The following CAB39L variants were observed in gnomAD, a reference collection of about 807,000 sequenced individuals.
CAB39L encodes the protein calcium binding protein 39 like.
In CAB39L, 23 loss-of-function variants were observed where a neutral mutation model predicts 39.1. The ratio of observed to expected loss-of-function variants is 0.59; its 90% confidence interval spans 0.42 to 0.83. CAB39L has a LOEUF of 0.83. Among genes scored for constraint, CAB39L ranks in the 40% least tolerant of loss-of-function variants. The pLI is 0.00. For missense variants in CAB39L, 366 were observed against 391.9 expected (o/e 0.93, Z 0.56); for synonymous variants, 126 against 137.2 (o/e 0.92, Z 0.57).
intron 1 of CAB39L, 108 bp downstream of exon 1, chr13:49,443,877 AC>A (rs1957595803): frequency 6.6e-6 from 3 of 454,130 alleles, no homozygotes; most frequent in Non-Finnish European, 8.8e-6. Flanking sequence ...CCTCTCCTTT[AC>A]CCCATTGTTC....
intron 4 of CAB39L, among the ~76,000 whole-genome samples, chr13:49,377,855 T>C (rs1240794279): frequency 1.2e-5 from 1 of 80,316 alleles, no homozygotes; most frequent in Non-Finnish European, 2.5e-5. Flanking sequence ...GGCTGCCCAG[T>C]CTGGAAAGTG....
chr13:49,345,003 A>G (rs1162942714), intron 7 of CAB39L, among the ~76,000 whole-genome samples: 1 of 152,202 alleles, frequency 6.6e-6, no homozygotes, highest in Non-Finnish European at 1.5e-5. Context: ...AGCATGAAGA[A>G]ACATTTGACT....
chr13:49,378,544 T>G (rs1458819429), intron 4 of CAB39L, among the ~76,000 whole-genome samples: 6 of 42,616 alleles, frequency 1.4e-4, no homozygotes, highest in African/African-American at 2.8e-4. Context: ...GATGGGGGGG[T>G]CAGCCCCCCC....
intron 10 of CAB39L, among the ~76,000 whole-genome samples, chr13:49,321,838 A>C (rs1019128958): frequency 9.9e-5 from 15 of 152,202 alleles, no homozygotes; most frequent in African/African-American, 3.1e-4. Flanking sequence ...GCTAAATGCA[A>C]GGTGGATGTC....
At chr13:49,389,877 C>T (rs762339561) in intron 3 of CAB39L, among the ~76,000 whole-genome samples, 1 of 152,008 alleles carries the variant, frequency 6.6e-6, no homozygotes, top group Non-Finnish European at 1.5e-5. Context: ...GGTTGGAGTG[C>T]AGTTGTGTAA....
At chr13:49,401,707 T>C (rs576083053) in intron 3 of CAB39L, 9 of 152,320 alleles carry the variant, frequency 5.9e-5, no homozygotes, top group African/African-American at 2.2e-4. Flanking sequence ...TTAAGTCTTA[T>C]ACTTGTTCAT....
intron 1 of CAB39L, among the ~76,000 whole-genome samples, chr13:49,440,531 CA>C (rs1957493401): frequency 6.6e-6 from 1 of 151,840 alleles, no homozygotes; most frequent in Non-Finnish European, 1.5e-5. Context: ...ACAAGCTACA[CA>C]TTCAGTAGCA....
chr13:49,311,892 G>T (rs1954003504), intron 10 of CAB39L, among the ~76,000 whole-genome samples: 1 of 152,108 alleles, frequency 6.6e-6, no homozygotes. Context: ...TTATTTTTAT[G>T]TATGTATTTA....
intron 9 of CAB39L, among the ~76,000 whole-genome samples, chr13:49,334,697 T>C (rs897323190): frequency 1.3e-5 from 2 of 152,192 alleles, no homozygotes; most frequent in Non-Finnish European, 2.9e-5. Context: ...ATGGGTATTG[T>C]TGGGGAAATA....
chr13:49,383,994 G>C (rs1956301740), intron 3 of CAB39L, among the ~76,000 whole-genome samples: 2 of 152,126 alleles, frequency 1.3e-5, no homozygotes, highest in Admixed American at 1.3e-4. Flanking sequence ...AGTAGCTGTG[G>C]CGATTTCTTA....
At chr13:49,402,666 T>A (rs1203741219) in intron 3 of CAB39L, among the ~76,000 whole-genome samples, 1 of 152,188 alleles carries the variant, frequency 6.6e-6, no homozygotes, top group Non-Finnish European at 1.5e-5. Flanking sequence ...AAGGTAAACA[T>A]CTATAAACAG....
At chr13:49,398,276 T>C (rs191072943) in intron 3 of CAB39L, among the ~76,000 whole-genome samples, 10 of 152,102 alleles carry the variant, frequency 6.6e-5, no homozygotes, top group Admixed American at 1.3e-4. Context: ...GCAGTAAAGA[T>C]CTCTGTTTAA....
At chr13:49,428,702 A>G (rs1253977460) in intron 3 of CAB39L, among the ~76,000 whole-genome samples, 1 of 152,166 alleles carries the variant, frequency 6.6e-6, no homozygotes, top group African/African-American at 2.4e-5. Flanking sequence ...ATAAACTTCT[A>G]TATCTCTTTG....
chr13:49,349,275 T>C (rs1444209374), intron 7 of CAB39L, among the ~76,000 whole-genome samples: 1 of 151,988 alleles, frequency 6.6e-6, no homozygotes, highest in Non-Finnish European at 1.5e-5. Flanking sequence ...ATCGATATTA[T>C]TGAAATACAT....
chr13:49,419,068 AGT>A (rs1443682333), intron 3 of CAB39L, among the ~76,000 whole-genome samples: 2 of 152,042 alleles, frequency 1.3e-5, no homozygotes, highest in Non-Finnish European at 2.9e-5. Flanking sequence ...CCCAGGTTCA[AGT>A]GATTCTCTTG....
intron 9 of CAB39L, 105 bp from the exon 10 acceptor site, chr13:49,332,195 G>T: frequency 1.5e-6 from 2 of 1,354,380 alleles, no homozygotes; most frequent in Non-Finnish European, 2.0e-6. Context: ...GAGTAAGAAT[G>T]GTGTTGTGAA....
intron 10 of CAB39L, among the ~76,000 whole-genome samples, chr13:49,322,141 G>T (rs928477825): frequency 6.6e-6 from 1 of 151,848 alleles, no homozygotes; most frequent in African/African-American, 2.4e-5. Context: ...GCAGTCGCCC[G>T]CCCCCTCCGC....
At chr13:49,437,915 C>T (rs746444860) in intron 1 of CAB39L, among the ~76,000 whole-genome samples, 1 of 152,126 alleles carries the variant, frequency 6.6e-6, no homozygotes, top group African/African-American at 2.4e-5. Flanking sequence ...TGACCTCCTG[C>T]GTTCAAGAGA....
chr13:49,390,744 G>A (rs1956471478), intron 3 of CAB39L, among the ~76,000 whole-genome samples: 1 of 152,074 alleles, frequency 6.6e-6, no homozygotes, highest in South Asian at 2.1e-4. Flanking sequence ...ATTGGTAGAA[G>A]GGTATAGAAT....
Sources: allele counts gnomAD v4.1 joint callset (sites outside exome capture counted in the v4.1 genomes callset), GRCh38; gene constraint gnomAD v4.1.1; transcripts MANE v1.5; gene names NCBI Gene and HGNC (gene_info 2026-07-23, HGNC 2026-07-21).